Variants in OSBPL1A observed in about 807,000 individuals in gnomAD.
The protein encoded by OSBPL1A is oxysterol-binding protein-related protein 1.
A neutral mutation model predicts 137.1 loss-of-function variants in OSBPL1A; 80 were observed. The observed-to-expected ratio is 0.58, with a 90% CI of 0.49 to 0.70. The LOEUF (loss-of-function observed/expected upper bound fraction) is 0.70, where lower values mean the gene tolerates loss of function less well. Ranked by LOEUF, OSBPL1A falls within the 30% of genes least tolerant of loss-of-function variation. The probability of loss-of-function intolerance (pLI) is 0.00; values close to 1 mark genes in which losing one functional copy is unlikely to be tolerated. For synonymous variants in OSBPL1A, 365 were observed against 389.7 expected, an observed-to-expected ratio of 0.94 and a Z score of 0.75; for missense variants, 970 against 1,129.4, an observed-to-expected ratio of 0.86 and a Z score of 2.02.
At chr18:24,204,192 T>C (rs192660836) in intron 17 of OSBPL1A, among the ~76,000 whole-genome samples, 5 of 152,072 alleles carry the variant, frequency 3.3e-5, no homozygotes, top group Admixed American at 1.3e-4. Context: ...CCAGAAAGAG[T>C]TGGTGTTAAC....
In OSBPL1A at chr18:24,196,654, GA is replaced by G. The variant is rs1303773782; in HGVS notation, c.1602-455del. On this transcript the variant is annotated intron_variant, in intron 17 of 27. Coordinates refer to ENST00000319481, the MANE Select transcript of OSBPL1A (RefSeq NM_080597.4). The stretch of plus-strand genomic sequence containing the variant: ...ATACAGGTTTTTAAGAAATGAAATG[GA>G]AAATAGAAAACTTTCATAAAAGCCA... Among the ~76,000 whole-genome samples the G allele has an allele frequency of 1.8e-4, 28 of 152,290 alleles. 1 individual carries two copies. The South Asian group carries it at 5.8e-3, about 32-fold the overall frequency.
Position 24,371,953 on chromosome 18 carries a change from C to T in OSBPL1A, c.122-3581G>A, listed in dbSNP as rs552843612. Among the ~76,000 whole-genome samples the T allele has an allele frequency of 4.3e-4, 65 of 152,178 alleles. 1 individual carries two copies. The highest frequency in any genetic ancestry group is 1.5e-3 in the African/African-American group (64 of 41,508). ...CATATCCTTTGGAAAATTTATTTTCCCCGACTATTCCATTACTGGTAACTT... is the reference window on the plus strand; with the variant it reads ...CATATCCTTTGGAAAATTTATTTTCTCCGACTATTCCATTACTGGTAACTT... On this transcript the variant is annotated intron_variant, in intron 2 of 27. Coordinates refer to ENST00000319481, the MANE Select transcript of OSBPL1A (RefSeq NM_080597.4).
intron 4 of OSBPL1A, among the ~76,000 whole-genome samples, chr18:24,358,903 T>A (rs759252264): frequency 1.1e-4 from 16 of 151,672 alleles, no homozygotes; most frequent in Non-Finnish European, 2.2e-4. Flanking sequence ...ATGCCATACA[T>A]CCAGCTTTGA....
intron 12 of OSBPL1A, 36 bp downstream of exon 12, chr18:24,314,213 A>T (rs779537196): frequency 7.2e-7 from 1 of 1,391,588 alleles, no homozygotes; most frequent in South Asian, 1.3e-5. Flanking sequence ...AATGTTCTGT[A>T]AGTTTTAGGA....
At chr18:24,393,862 A>G (rs1183495548) in intron 1 of OSBPL1A, among the ~76,000 whole-genome samples, 3 of 152,260 alleles carry the variant, frequency 2.0e-5, no homozygotes, top group South Asian at 4.1e-4. Flanking sequence ...TTATGTTTTG[A>G]GTGCCTCATT....
At chr18:24,367,011 G>T (rs1211202787) in intron 3 of OSBPL1A, 45 bp from the exon 4 acceptor site, 3 of 1,487,210 alleles carry the variant, frequency 2.0e-6, no homozygotes, top group Admixed American at 4.0e-5. Context: ...ATACAATGGT[G>T]AAAATCATTC....
intron 17 of OSBPL1A, among the ~76,000 whole-genome samples, chr18:24,204,807 AC>A (rs1315645264): frequency 6.6e-6 from 1 of 151,376 alleles, no homozygotes; most frequent in Non-Finnish European, 1.5e-5. Context: ...CACTTCTCTT[AC>A]TCGCAATTCC....
Position 24,324,344 on chromosome 18 carries a change from C to T in OSBPL1A, c.626-5535G>A, listed in dbSNP as rs1382604270. Among the ~76,000 whole-genome samples the T allele has an allele frequency of 3.2e-5, 2 of 62,242 alleles. 1 individual carries two copies. Among genetic ancestry groups the T allele is most frequent in the African/African-American group, 1.9e-4 (2 of 10,638 alleles). The allele number at this position is 62,242 out of a possible 152,430, so 40.8% of individuals were successfully genotyped here. ...TTTGAATAGTTTTCCTTGGGCAAAG[C>T]TCCTCTTTCCTTTTGAACTTCAGCC... On this transcript the variant is annotated intron_variant, in intron 7 of 27. Transcript: ENST00000319481.
intron 17 of OSBPL1A, 113 bp from the exon 18 acceptor site, chr18:24,196,313 G>T: frequency 1.4e-6 from 1 of 723,048 alleles, no homozygotes. Flanking sequence ...CTTTAAAAAT[G>T]TGTGTCATCA....
At chr18:24,331,726 C>T (rs1479533957) in intron 7 of OSBPL1A, among the ~76,000 whole-genome samples, 2 of 151,744 alleles carry the variant, frequency 1.3e-5, no homozygotes, top group African/African-American at 2.4e-5. Flanking sequence ...CCCAAGACAC[C>T]TTTTATAGCT....
chr18:24,341,717 CT>C, intron 4 of OSBPL1A, 59 bp from the exon 5 acceptor site: 2 of 1,192,268 alleles, frequency 1.7e-6, no homozygotes, highest in Admixed American at 2.0e-5. Flanking sequence ...CATTACCACC[CT>C]TTTCCAAATT....
chr18:24,233,157 A>G (rs2088334501), intron 16 of OSBPL1A, among the ~76,000 whole-genome samples: 1 of 152,216 alleles, frequency 6.6e-6, no homozygotes, highest in South Asian at 2.1e-4. Flanking sequence ...TTACTAAAGA[A>G]AAACCACCAT....
At chr18:24,334,357 A>G in intron 5 of OSBPL1A, 27 bp from the exon 6 acceptor site, 1 of 1,538,078 alleles carries the variant, frequency 6.5e-7, no homozygotes, top group Non-Finnish European at 8.8e-7. Context: ...CTTATTATCC[A>G]CTGCTAGTCA....
intron 2 of OSBPL1A, among the ~76,000 whole-genome samples, chr18:24,369,631 A>G (rs1905456392): frequency 6.6e-6 from 1 of 152,070 alleles, no homozygotes; most frequent in Non-Finnish European, 1.5e-5. Context: ...CACACCCACA[A>G]CAGGCCTCTA....
At chr18:24,333,820 A>C (rs1278970341) in intron 6 of OSBPL1A, among the ~76,000 whole-genome samples, 1 of 152,216 alleles carries the variant, frequency 6.6e-6, no homozygotes, top group East Asian at 1.9e-4. Flanking sequence ...TACCTTCCAG[A>C]AGTGTAGCAT....
chr18:24,189,662 G>A (rs60534951), intron 18 of OSBPL1A, among the ~76,000 whole-genome samples: 6 of 152,000 alleles, frequency 3.9e-5, no homozygotes, highest in East Asian at 1.9e-4. Context: ...AGTTCCCCCC[G>A]CTCCACACGA....
intron 18 of OSBPL1A, among the ~76,000 whole-genome samples, chr18:24,185,609 G>A (rs1173598781): frequency 1.3e-5 from 2 of 152,042 alleles, no homozygotes; most frequent in Non-Finnish European, 2.9e-5. Context: ...ATGAGCCACT[G>A]CACCCATCCA....
intron 15 of OSBPL1A, among the ~76,000 whole-genome samples, chr18:24,248,665 G>C (rs1054408201): frequency 5.3e-5 from 8 of 152,168 alleles, no homozygotes; most frequent in Non-Finnish European, 8.8e-5. Flanking sequence ...CTTCCAAACT[G>C]TACCTTCAGA....
chr18:24,271,739 G>A lies in OSBPL1A; in HGVS notation c.1281+9103C>T, dbSNP rs936020389. 52 of 985,486 alleles carry A rather than the reference G, an allele frequency of 5.3e-5. No individual in the cohort carries two copies. Among genetic ancestry groups the A allele is most frequent in the Non-Finnish European group, 6.0e-5 (50 of 830,144 alleles). 61.0% of individuals were successfully genotyped at this position (985,486 alleles called of 1,614,324 possible). Reference sequence around the variant, plus strand: ...CCCTCCAGTCGAGCCGAGGCGAGCCGATCCGGGAGGCGCGACCCAGGGCGG... The same window carrying A: ...CCCTCCAGTCGAGCCGAGGCGAGCCAATCCGGGAGGCGCGACCCAGGGCGG... On this transcript the variant is annotated intron_variant, in intron 15 of 27. Coordinates refer to ENST00000319481, the MANE Select transcript of OSBPL1A (RefSeq NM_080597.4). The surrounding 1 kb of genome is among the most constrained non-coding windows in gnomAD (Gnocchi z 4.0).
Sources: gnomAD v4.1 joint callset for allele counts (sites outside exome capture counted in the v4.1 genomes callset) on GRCh38, gnomAD v4.1.1 for gene constraint, Gnocchi (gnomAD v3.1) non-coding constraint, MANE v1.5 for transcripts, NCBI Gene and HGNC (gene_info 2026-07-23, HGNC 2026-07-21) for gene names.